Variants in EPC1 observed in about 807,000 individuals in gnomAD.
The protein encoded by EPC1 is enhancer of polycomb 1.
A neutral mutation model predicts 98.4 loss-of-function variants in EPC1; 12 were observed. The observed-to-expected ratio is 0.12, with a 90% CI of 0.08 to 0.20. The LOEUF is 0.20. Ranked by LOEUF, EPC1 falls within the 10% of genes least tolerant of loss-of-function variation. The pLI is 1.00. For synonymous variants in EPC1, 357 were observed against 363.9 expected (o/e 0.98, Z 0.21); for missense variants, 729 against 990.5 (o/e 0.74, Z 3.54).
chr10:32,269,284 T>G, intron 13 of EPC1, 149 bp from the exon 14 acceptor site: 1 of 582,048 alleles, frequency 1.7e-6, no homozygotes, highest in African/African-American at 1.9e-5. Context: ...ATACGAATCT[T>G]TATAGTTTAT....
At chr10:32,311,897 G>A (rs911326209) in intron 1 of EPC1, among the ~76,000 whole-genome samples, 1 of 152,188 alleles carries the variant, frequency 6.6e-6, no homozygotes, top group South Asian at 2.1e-4. Flanking sequence ...AATAAGGTAG[G>A]CACTGTGATG....
chr10:32,324,383 C>A (rs181082418), intron 1 of EPC1, among the ~76,000 whole-genome samples: 1 of 151,212 alleles, frequency 6.6e-6, no homozygotes, highest in Non-Finnish European at 1.5e-5. Context: ...TAGTGAAACC[C>A]GTCTCTGCGT....
chr10:32,324,130 G>A (rs1837114977), intron 1 of EPC1, among the ~76,000 whole-genome samples: 1 of 151,744 alleles, frequency 6.6e-6, no homozygotes, highest in Admixed American at 6.6e-5. Context: ...GTAAAAACAG[G>A]GTTTCACCAT....
intron 1 of EPC1, among the ~76,000 whole-genome samples, chr10:32,376,461 G>A (rs939763243): frequency 3.3e-5 from 5 of 152,030 alleles, no homozygotes; most frequent in Admixed American, 6.5e-5. Context: ...TACACCTGCA[G>A]TATTTCATTC....
intron 1 of EPC1, among the ~76,000 whole-genome samples, chr10:32,324,846 A>C (rs550090552): frequency 2.4e-4 from 36 of 152,082 alleles, no homozygotes; most frequent in Admixed American, 3.9e-4. Context: ...ACAAAAAATT[A>C]GCTGGGCGTG....
chr10:32,362,470 C>G lies in EPC1; in HGVS notation c.3+16021G>C, dbSNP rs141789517. Among the ~76,000 whole-genome samples, 810 of 152,248 alleles carry G rather than the reference C, an allele frequency of 5.3e-3. 9 individuals carry two copies. Among genetic ancestry groups the G allele is most frequent in the African/African-American group, 0.019 (776 of 41,556 alleles). On this transcript the variant is annotated intron_variant, in intron 1 of 13. Coordinates refer to the EPC1 transcript ENST00000375110. The stretch of plus-strand genomic sequence containing the variant: ...AGTAGCACCTCCCCGCTCCCTGTCT[C>G]TCTCTTGCTCCTGCTCTGGCAATAA...
intron 1 of EPC1, among the ~76,000 whole-genome samples, chr10:32,355,550 A>G (rs939730414): frequency 3.4e-5 from 5 of 147,360 alleles, no homozygotes; most frequent in Non-Finnish European, 6.0e-5. Flanking sequence ...CATTGGTGCA[A>G]GGTTATAAAT....
chr10:32,288,827 T>C (rs1363515500), intron 6 of EPC1, among the ~76,000 whole-genome samples: 4 of 151,844 alleles, frequency 2.6e-5, no homozygotes, highest in East Asian at 1.9e-4. Flanking sequence ...GGGTGGCTCA[T>C]GCCTGTAATC....
At position 32,286,702 on chromosome 10, in the gene EPC1, G is replaced by A. The variant is rs997783692; in HGVS notation, c.1383C>T (p.Arg461=). 21 of 1,613,776 alleles carry A rather than the reference G, an allele frequency of 1.3e-5. No individual in the cohort carries two copies. The highest frequency in any genetic ancestry group is 4.5e-5 in the East Asian group (2 of 44,896). Residue 461 remains arginine, a synonymous_variant, in exon 9 of 14, where the codon CGC becomes CGT. Coordinates refer to ENST00000319778, the MANE Select transcript of EPC1 (RefSeq NM_001272004.3). ...CIGFARRRVG[R]GGRVLLDRAH... is the part of the protein sequence containing the mutation. ...ATACAGAAATACCTTACCTTCCACC[G>A]CGCCCAACCCGTCTTCGTGCAAATC...
At chr10:32,336,534 G>C (rs1837986376) in intron 1 of EPC1, among the ~76,000 whole-genome samples, 1 of 152,070 alleles carries the variant, frequency 6.6e-6, no homozygotes, top group South Asian at 2.1e-4. Flanking sequence ...CAAATATTGA[G>C]CCCTCAGCAA....
chr10:32,294,136 G>A (rs1301829324), intron 2 of EPC1, among the ~76,000 whole-genome samples: 2 of 152,138 alleles, frequency 1.3e-5, no homozygotes, highest in Non-Finnish European at 2.9e-5. Context: ...AGGCCTTTAA[G>A]ATTTTTTTCT....
chr10:32,269,208 C>CA, intron 13 of EPC1, 73 bp from the exon 14 acceptor site: 1 of 1,322,756 alleles, frequency 7.6e-7, no homozygotes, highest in African/African-American at 1.5e-5. Flanking sequence ...ATCTTCCCAA[C>CA]AAAAAGTTTA....
At chr10:32,345,186 A>G (rs1266450329) in intron 1 of EPC1, 6 of 984,528 alleles carry the variant, frequency 6.1e-6, no homozygotes, top group Non-Finnish European at 7.2e-6. Context: ...GCTACTCTAA[A>G]GTTGATACAA....
At chr10:32,357,009 A>G (rs1026326362) in intron 1 of EPC1, among the ~76,000 whole-genome samples, 14 of 152,200 alleles carry the variant, frequency 9.2e-5, no homozygotes, top group African/African-American at 3.4e-4. Context: ...AAATTTACCA[A>G]AGCCCCCAAA....
At chr10:32,293,838 TAAG>T in intron 2 of EPC1, 101 bp from the exon 3 acceptor site, 1 of 1,121,444 alleles carries the variant, frequency 8.9e-7, no homozygotes, top group Non-Finnish European at 1.2e-6. Context: ...TCTAAAGAAA[TAAG>T]AAAGAATTCT....
chr10:32,343,156 T>C (rs1467400707), intron 1 of EPC1, among the ~76,000 whole-genome samples: 1 of 152,174 alleles, frequency 6.6e-6, no homozygotes, highest in Admixed American at 6.5e-5. Context: ...GTGATTTAAG[T>C]CACATCTGTA....
intron 1 of EPC1, among the ~76,000 whole-genome samples, chr10:32,343,100 C>T (rs1304034830): frequency 6.7e-6 from 1 of 150,152 alleles, no homozygotes; most frequent in Non-Finnish European, 1.5e-5. Context: ...TTTTTAAACC[C>T]CAAAGGGACT....
intron 1 of EPC1, chr10:32,345,474 T>C (rs963128436): frequency 2.0e-6 from 2 of 985,348 alleles, no homozygotes; most frequent in Non-Finnish European, 2.4e-6. Context: ...AGTACAATTT[T>C]CCACAACAAA....
intron 2 of EPC1, among the ~76,000 whole-genome samples, chr10:32,299,803 G>A (rs911407876): frequency 6.6e-6 from 1 of 152,058 alleles, no homozygotes; most frequent in Non-Finnish European, 1.5e-5. Context: ...AGTAGTTTGT[G>A]GAGAGAGCTT....
Sources: allele counts gnomAD v4.1 joint callset (sites outside exome capture counted in the v4.1 genomes callset), GRCh38; gene constraint gnomAD v4.1.1; transcripts MANE v1.5; gene names NCBI Gene and HGNC (gene_info 2026-07-23, HGNC 2026-07-21).